NALF1: variants seen among roughly 807,000 people sequenced by gnomAD.
The protein encoded by NALF1 is family with sequence similarity 155 member A.
Under a neutral mutation model 48.4 loss-of-function variants are expected in NALF1, and 3 were observed. The observed-to-expected ratio is 0.06, with a 90% CI of 0.03 to 0.16. The LOEUF (loss-of-function observed/expected upper bound fraction) is 0.16, where lower values mean the gene tolerates loss of function less well. Ranked by LOEUF, NALF1 falls within the 10% of genes least tolerant of loss-of-function variation. The pLI is 1.00. For missense variants in NALF1, 526 were observed against 571.5 expected (o/e 0.92, Z 0.81); for synonymous variants, 262 against 245.7 (o/e 1.07, Z -0.62).
rs528181816 is a variant in NALF1, at chr13:107,624,052, A to T, written c.915+241630T>A. Among the ~76,000 whole-genome samples, 8 of 152,296 alleles carry T rather than the reference A, an allele frequency of 5.3e-5. No homozygotes were observed. In the South Asian group the frequency reaches 1.7e-3, roughly 32 times the overall value. On this transcript the variant is annotated intron_variant, in intron 1 of 2. Coordinates refer to ENST00000375915, the MANE Select transcript of NALF1 (RefSeq NM_001080396.3). Reference sequence around the variant, plus strand: ...GCCCCTATTTGCACAGTACTTTAACATTGGTAAAAATGTTCTGGAATATTA... The same window carrying T: ...GCCCCTATTTGCACAGTACTTTAACTTTGGTAAAAATGTTCTGGAATATTA...
chr13:107,726,913 TTGTGTG>T (rs1171461096), intron 1 of NALF1, among the ~76,000 whole-genome samples: 6,527 of 126,314 alleles, frequency 0.052, 349 homozygotes, highest in Admixed American at 0.13. Flanking sequence ...CGGCAAATTC[TTGTGTG>T]TGTGTGTGTG....
intron 1 of NALF1, among the ~76,000 whole-genome samples, chr13:107,394,775 A>C (rs1226478803): frequency 6.6e-6 from 1 of 152,178 alleles, no homozygotes; most frequent in Non-Finnish European, 1.5e-5. Flanking sequence ...CATTGTCAAG[A>C]AATATATGGA....
At position 107,598,911 on chromosome 13, in the gene NALF1, C is replaced by T. The variant is rs7993321; in HGVS notation, c.915+266771G>A. Among the ~76,000 whole-genome samples the T allele has an allele frequency of 2.5e-3, 386 of 152,208 alleles. 3 individuals are homozygous for T. Among genetic ancestry groups the T allele is most frequent in the African/African-American group, 8.4e-3 (348 of 41,514 alleles). On this transcript the variant is annotated intron_variant, in intron 1 of 2. Transcript: ENST00000375915. ...CTTCCAAGCCAAATTACATTTGGGA[C>T]TTTGTGTTGGTGTCTTCTTGCTTTT...
intron 1 of NALF1, among the ~76,000 whole-genome samples, chr13:107,253,864 C>G (rs1880754694): frequency 6.6e-6 from 1 of 152,102 alleles, no homozygotes; most frequent in Admixed American, 6.6e-5. Context: ...CCTCTCAACA[C>G]CTCACACTGT....
intron 1 of NALF1, among the ~76,000 whole-genome samples, chr13:107,611,338 C>T (rs1170412524): frequency 6.6e-6 from 1 of 152,180 alleles, no homozygotes; most frequent in Non-Finnish European, 1.5e-5. Flanking sequence ...AGCAATCACA[C>T]TTCTGGACTT....
At chr13:107,552,296 T>C (rs189830397) in intron 1 of NALF1, among the ~76,000 whole-genome samples, 19 of 152,274 alleles carry the variant, frequency 1.2e-4, no homozygotes, top group Non-Finnish European at 2.2e-4. Context: ...CCTGAACAAA[T>C]AAATAAATAG....
intron 1 of NALF1, among the ~76,000 whole-genome samples, chr13:107,503,924 ATT>A (rs35141844): frequency 2.4e-4 from 36 of 146,978 alleles, no homozygotes; most frequent in South Asian, 6.6e-4. Flanking sequence ...CTTACATGTG[ATT>A]TTTTTTTTTT....
intron 1 of NALF1, among the ~76,000 whole-genome samples, chr13:107,469,251 A>C (rs1431243775): frequency 3.9e-5 from 6 of 152,238 alleles, no homozygotes. Flanking sequence ...AATTCTTTAA[A>C]TATGACCTTT....
At chr13:107,447,132 C>T (rs183150171) in intron 1 of NALF1, among the ~76,000 whole-genome samples, 184 of 152,212 alleles carry the variant, frequency 1.2e-3, no homozygotes, top group East Asian at 0.01. Flanking sequence ...TGGTTAAGGC[C>T]GGAGGGGCCA....
At chr13:107,491,467 CCA>C (rs61680189) in intron 1 of NALF1, among the ~76,000 whole-genome samples, 40,492 of 151,976 alleles carry the variant, frequency 0.27, 5,557 homozygotes, top group East Asian at 0.4. Context: ...GAGCTGAAGT[CCA>C]GTGATTCAGA....
chr13:107,462,998 C>T (rs1353051318), intron 1 of NALF1, among the ~76,000 whole-genome samples: 1 of 152,100 alleles, frequency 6.6e-6, no homozygotes, highest in Non-Finnish European at 1.5e-5. Flanking sequence ...GGAACCCGGA[C>T]ACACATGGAT....
At chr13:107,713,633 C>T (rs1351767755) in intron 1 of NALF1, among the ~76,000 whole-genome samples, 1 of 152,178 alleles carries the variant, frequency 6.6e-6, no homozygotes, top group Non-Finnish European at 1.5e-5. Flanking sequence ...TGCTATTATA[C>T]TCTTACCTCA....
chr13:107,211,626 T>A (rs1238404006), intron 1 of NALF1, among the ~76,000 whole-genome samples: 2 of 152,196 alleles, frequency 1.3e-5, no homozygotes, highest in African/African-American at 4.8e-5. Flanking sequence ...GATGTACCAA[T>A]TTGCAGTACA....
rs538740491 is a variant in NALF1 at position 107,164,100 on chromosome 13, T to C, written c.*6397A>G. ...AACTGGAATCTTGAAGCAGCAGTGC[T>C]GCGGTGAGCTGGGAGTTTTAGGGGA... is the stretch of plus-strand genomic sequence containing the variant. On this transcript the variant is annotated 3_prime_UTR_variant, in exon 3 of 3. Coordinates refer to ENST00000375915, the MANE Select transcript of NALF1 (RefSeq NM_001080396.3). 7.2e-5 allele frequency: 11 copies of C among 152,346 alleles called. No homozygotes were observed. In the East Asian group the frequency reaches 1.7e-3, roughly 24 times the overall value. The allele number at this position is 152,346 out of a possible 1,614,324, so 9.4% of individuals were successfully genotyped here.
intron 1 of NALF1, among the ~76,000 whole-genome samples, chr13:107,613,124 G>A (rs1265774717): frequency 6.6e-6 from 1 of 152,082 alleles, no homozygotes; most frequent in African/African-American, 2.4e-5. Flanking sequence ...AAACTCCCGG[G>A]GAAGATTCCA....
intron 1 of NALF1, among the ~76,000 whole-genome samples, chr13:107,484,815 T>C (rs1167162529): frequency 6.6e-6 from 1 of 152,112 alleles, no homozygotes; most frequent in Non-Finnish European, 1.5e-5. Context: ...ATACTTATTG[T>C]TTGAATCAGA....
At chr13:107,295,260 A>G (rs1015173324) in intron 1 of NALF1, among the ~76,000 whole-genome samples, 17 of 152,168 alleles carry the variant, frequency 1.1e-4, no homozygotes, top group African/African-American at 4.1e-4. Flanking sequence ...CTGTGTCTGC[A>G]TTAATTCACT....
chr13:107,174,181 T>C (rs1308333636), intron 2 of NALF1, among the ~76,000 whole-genome samples: 1 of 152,134 alleles, frequency 6.6e-6, no homozygotes, highest in East Asian at 1.9e-4. Flanking sequence ...GCCACCCTTT[T>C]GTGTTTGTTT....
At chr13:107,848,146 C>T (rs965937109) in intron 1 of NALF1, among the ~76,000 whole-genome samples, 1 of 152,196 alleles carries the variant, frequency 6.6e-6, no homozygotes, top group Non-Finnish European at 1.5e-5. Context: ...CTGATTACAA[C>T]ACAACGAAGT....
Sources: allele counts gnomAD v4.1 joint callset (sites outside exome capture counted in the v4.1 genomes callset), GRCh38; gene constraint gnomAD v4.1.1; transcripts MANE v1.5; gene names NCBI Gene and HGNC (gene_info 2026-07-23, HGNC 2026-07-21).